The following AGBL1 variants were observed in gnomAD, a reference collection of about 807,000 sequenced individuals.
AGBL1 encodes the protein AGBL carboxypeptidase 1, also known as cytosolic carboxypeptidase 4.
AGBL1 carries 130 observed loss-of-function variants against 118.9 expected under a neutral mutation model. The observed-to-expected ratio is 1.09, with a 90% confidence interval of 0.95 to 1.26. AGBL1 has a LOEUF of 1.26. AGBL1 is among the 50% of genes most tolerant of loss of function. The probability of loss-of-function intolerance (pLI) is 0.00; values close to 1 mark genes in which losing one functional copy is unlikely to be tolerated. For synonymous variants in AGBL1, 555 were observed against 478.9 expected (o/e 1.16, Z -2.08); for missense variants, 1,584 against 1,298.1 (o/e 1.22, Z -3.38).
intron 18 of AGBL1, among the ~76,000 whole-genome samples, 191 bp from the exon 19 acceptor site, chr15:86,522,619 A>G (rs778600681): frequency 6.6e-6 from 1 of 152,256 alleles, no homozygotes; most frequent in Non-Finnish European, 1.5e-5. Flanking sequence ...GGGGTTGTGA[A>G]TAATTATGAT....
intron 5 of AGBL1, among the ~76,000 whole-genome samples, chr15:86,208,114 G>T (rs200031015): frequency 2.4e-4 from 36 of 152,242 alleles, no homozygotes; most frequent in Non-Finnish European, 4.7e-4. Context: ...TTATGTGATG[G>T]ATTATGTTTA....
chr15:86,292,470 T>G (rs1050244040), intron 16 of AGBL1, among the ~76,000 whole-genome samples: 1 of 152,170 alleles, frequency 6.6e-6, no homozygotes, highest in Admixed American at 6.5e-5. Flanking sequence ...TTTAGACTAC[T>G]GACCTTCAGA....
intron 22 of AGBL1, among the ~76,000 whole-genome samples, chr15:86,828,648 C>T (rs1316818282): frequency 6.6e-6 from 1 of 152,020 alleles, no homozygotes; most frequent in Non-Finnish European, 1.5e-5. Context: ...CAGAAGGGAC[C>T]AGCGCTTCTG....
chr15:86,803,117 A>C (rs2078672792), intron 22 of AGBL1, among the ~76,000 whole-genome samples: 1 of 152,134 alleles, frequency 6.6e-6, no homozygotes, highest in Non-Finnish European at 1.5e-5. Flanking sequence ...CATAAGGAGC[A>C]TCATGTATAG....
In AGBL1 at chr15:86,256,835, A is replaced by C; in HGVS notation, c.736-18A>C. The C allele has an allele frequency of 6.2e-7, 1 of 1,613,316 alleles. No homozygotes were observed. Among genetic ancestry groups the C allele is most frequent in the Non-Finnish European group, 8.5e-7 (1 of 1,179,618 alleles). On this transcript the variant is annotated intron_variant, in intron 7 of 22. Transcript: ENST00000614907. The stretch of plus-strand genomic sequence containing the variant: ...GTGCCCAGATGTTGGCATCTGATAT[A>C]ATCTTCCCTTTGCTCAGAACTGCCT...
chr15:86,277,867 G>A (rs1403614893), intron 15 of AGBL1, among the ~76,000 whole-genome samples: 1 of 152,206 alleles, frequency 6.6e-6, no homozygotes, highest in South Asian at 2.1e-4. Flanking sequence ...ACACATATGT[G>A]CTTACAAGTG....
chr15:86,570,239 G>A (rs1339753720), intron 21 of AGBL1, among the ~76,000 whole-genome samples: 1 of 152,226 alleles, frequency 6.6e-6, no homozygotes, highest in Non-Finnish European at 1.5e-5. Flanking sequence ...CAGTGGGCTG[G>A]GGGAGGTCCC....
intron 22 of AGBL1, among the ~76,000 whole-genome samples, chr15:86,894,060 A>G (rs1412273155): frequency 6.6e-6 from 1 of 152,160 alleles, no homozygotes; most frequent in South Asian, 2.1e-4. Context: ...TGACTCTCCA[A>G]TACCGCCTAA....
At chr15:86,844,342 G>A (rs1184772644) in intron 22 of AGBL1, among the ~76,000 whole-genome samples, 1 of 152,082 alleles carries the variant, frequency 6.6e-6, no homozygotes, top group African/African-American at 2.4e-5. Flanking sequence ...AGTGAATGAG[G>A]GTTCCAGTTT....
At chr15:86,681,718 G>A (rs1385307073) in intron 22 of AGBL1, among the ~76,000 whole-genome samples, 1 of 152,166 alleles carries the variant, frequency 6.6e-6, no homozygotes, top group Non-Finnish European at 1.5e-5. Context: ...GATGTAGAGA[G>A]GTCCTCTTGT....
At chr15:86,672,873 C>T (rs1462228913) in intron 21 of AGBL1, among the ~76,000 whole-genome samples, 1 of 152,150 alleles carries the variant, frequency 6.6e-6, no homozygotes, top group Non-Finnish European at 1.5e-5. Flanking sequence ...TGCAGCAAAT[C>T]AGATTTTCAA....
chr15:86,382,785 A>G (rs2081129806), intron 17 of AGBL1, among the ~76,000 whole-genome samples: 1 of 152,088 alleles, frequency 6.6e-6, no homozygotes, highest in African/African-American at 2.4e-5. Flanking sequence ...TAATAGCTCT[A>G]TTTAAATTAA....
chr15:86,620,883 C>G (rs1156597271), intron 21 of AGBL1, among the ~76,000 whole-genome samples: 1 of 151,800 alleles, frequency 6.6e-6, no homozygotes, highest in East Asian at 1.9e-4. Flanking sequence ...CTTCACGGCT[C>G]TTTTTCAAGT....
chr15:86,355,121 CTA>C (rs1471615227), intron 17 of AGBL1, among the ~76,000 whole-genome samples: 1 of 152,168 alleles, frequency 6.6e-6, no homozygotes, highest in East Asian at 1.9e-4. Flanking sequence ...TTGGTAAAAC[CTA>C]TGTTTGGCTT....
At chr15:86,468,201 C>T (rs1343804115) in intron 18 of AGBL1, among the ~76,000 whole-genome samples, 8 of 152,088 alleles carry the variant, frequency 5.3e-5, no homozygotes, top group Non-Finnish European at 8.8e-5. Context: ...TCCTCCTCTC[C>T]GCAAGAAGAA....
In AGBL1 at chr15:86,169,987, T is replaced by C. The variant is rs1259185220; in HGVS notation, c.488+10961T>C. ...CTAAGTGAGGTAAAATCACAATGTG[T>C]AGAATCCAAGAAGAAATTATCAGGC... On this transcript the variant is annotated intron_variant, in intron 5 of 22. Transcript: ENST00000614907. 2.0e-5 allele frequency among the ~76,000 whole-genome samples: 3 copies of C among 152,126 alleles called. No homozygotes were observed. The East Asian group carries it at 5.8e-4, about 29-fold the overall frequency.
chr15:86,550,879 G>A (rs746776000), intron 20 of AGBL1, among the ~76,000 whole-genome samples: 1 of 151,850 alleles, frequency 6.6e-6, no homozygotes, highest in African/African-American at 2.4e-5. Flanking sequence ...ACCATGCACA[G>A]AATATTCACC....
chr15:86,842,072 G>A (rs2079253667), intron 22 of AGBL1, among the ~76,000 whole-genome samples: 1 of 152,078 alleles, frequency 6.6e-6, no homozygotes, highest in South Asian at 2.1e-4. Context: ...AGAAGATTCT[G>A]AAACTCTGGA....
chr15:86,565,936 C>T (rs183733213), intron 21 of AGBL1, among the ~76,000 whole-genome samples: 115 of 152,308 alleles, frequency 7.6e-4, no homozygotes, highest in South Asian at 3.3e-3. Flanking sequence ...GAGCCAGGCG[C>T]GGGATATAAT....
Sources: gnomAD v4.1 joint callset for allele counts (sites outside exome capture counted in the v4.1 genomes callset) on GRCh38, gnomAD v4.1.1 for gene constraint, MANE v1.5 for transcripts, NCBI Gene and HGNC (gene_info 2026-07-23, HGNC 2026-07-21) for gene names.